Variants in MPHOSPH9 observed in about 807,000 individuals in gnomAD.
The protein encoded by MPHOSPH9 is M-phase phosphoprotein 9.
MPHOSPH9 carries 88 observed loss-of-function variants against 145.5 expected under a neutral mutation model. The observed-to-expected ratio is 0.60, with a 90% CI of 0.51 to 0.72. The LOEUF (loss-of-function observed/expected upper bound fraction) is 0.72, where lower values mean the gene tolerates loss of function less well. Among genes scored for constraint, MPHOSPH9 ranks in the 30% least tolerant of loss-of-function variants. The pLI, the probability that MPHOSPH9 is intolerant of heterozygous loss-of-function variation, is 0.00. For missense variants in MPHOSPH9, 1,238 were observed against 1,386.6 expected (o/e 0.89, Z 1.70); for synonymous variants, 435 against 486.2 (o/e 0.89, Z 1.39).
At chr12:123,178,237 C>T (rs184045628) in intron 15 of MPHOSPH9, among the ~76,000 whole-genome samples, 1 of 152,310 alleles carries the variant, frequency 6.6e-6, no homozygotes, top group Admixed American at 6.5e-5. Context: ...ATGACTTCAT[C>T]TTATCTTTCA....
chr12:123,209,134 T>G (rs971323570), intron 8 of MPHOSPH9, among the ~76,000 whole-genome samples: 1 of 152,104 alleles, frequency 6.6e-6, no homozygotes, highest in East Asian at 1.9e-4. Context: ...GGTTTTACCA[T>G]GTTGGCCAGG....
intron 3 of MPHOSPH9, among the ~76,000 whole-genome samples, chr12:123,226,521 C>CCT (rs376850730): frequency 1.2e-4 from 17 of 145,056 alleles, no homozygotes; most frequent in African/African-American, 4.3e-4. Flanking sequence ...TTTATATATA[C>CCT]TTTTTTTTTT....
chr12:123,163,468 G>C, intron 19 of MPHOSPH9: 1 of 222,096 alleles, frequency 4.5e-6, no homozygotes, highest in Non-Finnish European at 8.7e-6. Flanking sequence ...TCCTCAGCTG[G>C]TGTGAAAACG....
intron 8 of MPHOSPH9, among the ~76,000 whole-genome samples, chr12:123,207,599 A>G (rs2046491854): frequency 6.6e-6 from 1 of 152,178 alleles, no homozygotes; most frequent in African/African-American, 2.4e-5. Context: ...CATGCCTGTA[A>G]TTCCAGCACT....
chr12:123,230,118 A>T, intron 2 of MPHOSPH9, 143 bp downstream of exon 2: 1 of 553,360 alleles, frequency 1.8e-6, no homozygotes, highest in East Asian at 3.5e-5. Flanking sequence ...CACCGCGCCC[A>T]GCCTCCCTGA....
intron 11 of MPHOSPH9, among the ~76,000 whole-genome samples, chr12:123,198,932 G>T (rs1367559069): frequency 6.7e-6 from 1 of 148,230 alleles, no homozygotes; most frequent in Non-Finnish European, 1.5e-5. Context: ...TATGCATTAT[G>T]ATTTCTGGAA....
intron 16 of MPHOSPH9, 107 bp from the exon 17 acceptor site, chr12:123,166,896 C>T (rs2044344885): frequency 1.6e-5 from 18 of 1,154,470 alleles, no homozygotes; most frequent in Non-Finnish European, 2.1e-5. Context: ...CATTTGTACA[C>T]TAATTTAAAA....
chr12:123,202,443 C>T, intron 10 of MPHOSPH9, 124 bp from the exon 11 acceptor site: 1 of 1,219,482 alleles, frequency 8.2e-7, no homozygotes, highest in East Asian at 2.4e-5. Flanking sequence ...TTGCATACTA[C>T]AAAATATATA....
chr12:123,207,217 GA>G (rs1038498007), intron 8 of MPHOSPH9, among the ~76,000 whole-genome samples: 13 of 150,420 alleles, frequency 8.6e-5, no homozygotes, highest in African/African-American at 3.2e-4. Flanking sequence ...CATGAAATGG[GA>G]AACCTTAAAG....
rs1565981838 is a variant in MPHOSPH9 at position 123,230,314 on chromosome 12, T to C, written c.51A>G (p.Val17=). The C allele has an allele frequency of 6.5e-7, 1 of 1,534,476 alleles. No individual in the cohort carries two copies. The highest frequency in any genetic ancestry group is 1.4e-5 in the African/African-American group (1 of 73,114). Residue 17 remains valine (V), a synonymous_variant, in exon 2 of 24, where the codon GTA becomes GTG. Coordinates refer to ENST00000606320, the MANE Select transcript of MPHOSPH9 (RefSeq NM_022782.4). ...AATGAAGAGAATTTTCATCAGATCC[T>C]ACAGAAGATGAAGTTTTGTGTAAGG... ...VKTLHKTSSS[V]GSDENSLHSL... is the part of the protein sequence containing the mutation.
intron 1 of MPHOSPH9, among the ~76,000 whole-genome samples, chr12:123,239,732 G>A (rs1321079962): frequency 1.3e-5 from 2 of 152,114 alleles, no homozygotes; most frequent in Non-Finnish European, 2.9e-5. Flanking sequence ...GGACACCACT[G>A]TTCTAGAACA....
Position 123,202,206 on chromosome 12 carries a change from C to A in MPHOSPH9, c.1895G>T (p.Gly632Val). The A allele has an allele frequency of 1.2e-6, 2 of 1,612,466 alleles. No individual in the cohort carries two copies. The highest frequency in any genetic ancestry group is 1.7e-6 in the Non-Finnish European group (2 of 1,179,616). The change falls in exon 11 of 24, where the codon GGA (glycine) becomes GTA (valine). Residue 632 changes from glycine (G) to valine (V), a missense_variant. Coordinates refer to ENST00000606320, the MANE Select transcript of MPHOSPH9 (RefSeq NM_022782.4). Reference protein sequence around the residue: ...KQKLEAKEISGVEDWKITNQI... With the variant: ...KQKLEAKEISVVEDWKITNQI... ...ATTGGTTATCTTCCAATCTTCAACT[C>A]CAGAGATTTCTTTTGCCTCCAGCTT...
chr12:123,225,562 A>C, intron 3 of MPHOSPH9, among the ~76,000 whole-genome samples: 1 of 115,762 alleles, frequency 8.6e-6, no homozygotes, highest in South Asian at 3.3e-4. Flanking sequence ...GAGGGAGGGG[A>C]GAGGAGAGGT....
Position 123,204,908 on chromosome 12 carries a change from T to C in MPHOSPH9, c.1195-1533A>G, listed in dbSNP as rs538837274. ...AAAAAACAGAAGATAGGACCCTAAT[T>C]TCGAAAAATTGAAATCAGGACCTCA... is the stretch of plus-strand genomic sequence containing the variant. On this transcript the variant is annotated intron_variant, in intron 8 of 23. Coordinates refer to ENST00000606320, the MANE Select transcript of MPHOSPH9 (RefSeq NM_022782.4). Among the ~76,000 whole-genome samples the C allele has an allele frequency of 2.0e-5, 3 of 152,190 alleles. No homozygotes were observed. In the South Asian group the frequency reaches 6.2e-4, roughly 32 times the overall value.
At position 123,214,738 on chromosome 12, in the gene MPHOSPH9, T is replaced by C; in HGVS notation, c.1087+6A>G. 1 of 1,599,738 alleles carries C rather than the reference T, an allele frequency of 6.3e-7. No individual in the cohort carries two copies. ...GTTAAAAAAAATAAAAATGTAAGTATCATACCTGTTCCTGAATCAGACATC... is the reference window on the plus strand; with the variant it reads ...GTTAAAAAAAATAAAAATGTAAGTACCATACCTGTTCCTGAATCAGACATC... On this transcript the variant is annotated splice_donor_region_variant and intron_variant, in intron 7 of 23. Transcript: ENST00000606320.
intron 1 of MPHOSPH9, among the ~76,000 whole-genome samples, chr12:123,238,347 G>C (rs953819225): frequency 2.6e-5 from 4 of 152,064 alleles, no homozygotes; most frequent in Non-Finnish European, 5.9e-5. Context: ...ATGTTGTTTG[G>C]CCCTTAACTG....
intron 11 of MPHOSPH9, among the ~76,000 whole-genome samples, chr12:123,199,627 T>C (rs764332021): frequency 3.5e-4 from 53 of 152,018 alleles, no homozygotes; most frequent in Admixed American, 5.9e-4. Flanking sequence ...ACCCCGTCTC[T>C]ACTAAAATAC....
chr12:123,225,706 C>T (rs908977132), intron 3 of MPHOSPH9, among the ~76,000 whole-genome samples: 4 of 152,050 alleles, frequency 2.6e-5, no homozygotes, highest in Non-Finnish European at 5.9e-5. Context: ...TGTGGCAATG[C>T]CTCCTTTGTC....
intron 15 of MPHOSPH9, among the ~76,000 whole-genome samples, chr12:123,178,712 C>T (rs1184311025): frequency 6.6e-6 from 1 of 152,108 alleles, no homozygotes; most frequent in Non-Finnish European, 1.5e-5. Context: ...TTAGTAGAGA[C>T]AGGGTTTTGC....
Sources: gnomAD v4.1 joint callset for allele counts (sites outside exome capture counted in the v4.1 genomes callset) on GRCh38, gnomAD v4.1.1 for gene constraint, MANE v1.5 for transcripts, NCBI Gene and HGNC (gene_info 2026-07-23, HGNC 2026-07-21) for gene names.